Variants in CCDC47 observed in about 807,000 individuals in gnomAD.
The protein encoded by CCDC47 is coiled-coil domain containing 47, also known as PAT complex subunit CCDC47.
A neutral mutation model predicts 60.5 loss-of-function variants in CCDC47; 41 were observed. The observed-to-expected ratio is 0.68, with a 90% CI of 0.53 to 0.88. The LOEUF (loss-of-function observed/expected upper bound fraction) is 0.88, where lower values mean the gene tolerates loss of function less well. Ranked by LOEUF, CCDC47 falls within the 40% of genes least tolerant of loss-of-function variation. CCDC47 has a pLI of 0.00. For synonymous variants in CCDC47, 195 were observed against 190.7 expected (o/e 1.02, Z -0.18); for missense variants, 513 against 580.9 (o/e 0.88, Z 1.20).
chr17:63,768,684 G>GT (rs1411211852), intron 1 of CCDC47, among the ~76,000 whole-genome samples: 8 of 151,938 alleles, frequency 5.3e-5, no homozygotes, highest in Non-Finnish European at 2.9e-5. Context: ...ACAGTGAAAC[G>GT]TGCCTCAAAA....
chr17:63,749,747 C>CA lies in CCDC47; in HGVS notation c.1371+2192dup, dbSNP rs773330267. ...CTGGTGAAAGAGCGAGACTCTGTCT[C>CA]AAAAAAAAAAAAAAATTAATAACTA... On this transcript the variant is annotated intron_variant, in intron 12 of 12. Coordinates refer to ENST00000225726, the MANE Select transcript of CCDC47 (RefSeq NM_020198.3). Among the ~76,000 whole-genome samples the CA allele has an allele frequency of 5.3e-3, 575 of 108,038 alleles. 1 individual carries two copies. Among genetic ancestry groups the CA allele is most frequent in the African/African-American group, 0.014 (404 of 28,672 alleles). The allele number at this position is 108,038 out of a possible 152,430, so 70.9% of individuals were successfully genotyped here.
chr17:63,751,912 T>C, intron 12 of CCDC47, 28 bp downstream of exon 12: 1 of 1,612,454 alleles, frequency 6.2e-7, no homozygotes, highest in Non-Finnish European at 8.5e-7. Context: ...CAAATCGTAG[T>C]TTTACCCCAG....
chr17:63,772,250 G>GT (rs34509265), intron 1 of CCDC47, among the ~76,000 whole-genome samples: 26,457 of 90,750 alleles, frequency 0.29, 4,931 homozygotes, highest in South Asian at 0.55. Context: ...TGTACCAAGG[G>GT]TTTTTTTTTT....
rs186906517 is a variant in CCDC47, at chr17:63,751,773, A to T, written c.1371+167T>A. The T allele has an allele frequency of 8.3e-6, 6 of 726,578 alleles. No individual in the cohort carries two copies. The Admixed American group carries it at 1.3e-4, about 16-fold the overall frequency. 45.0% of individuals were successfully genotyped at this position (726,578 alleles called of 1,614,324 possible). A position where few individuals can be genotyped will look rare whatever the true frequency, so the allele number is the denominator to read the frequency against. Reference sequence around the variant, plus strand: ...AGACTCAGTGTGGCACGGCTTGAACAGGAAGGATTATTTATTCTTCTTTAT... The same window carrying T: ...AGACTCAGTGTGGCACGGCTTGAACTGGAAGGATTATTTATTCTTCTTTAT... On this transcript the variant is annotated intron_variant, in intron 12 of 12. Coordinates refer to ENST00000225726, the MANE Select transcript of CCDC47 (RefSeq NM_020198.3).
intron 1 of CCDC47, among the ~76,000 whole-genome samples, chr17:63,768,133 A>G (rs113231234): frequency 0.016 from 2,504 of 152,332 alleles, 70 homozygotes; most frequent in African/African-American, 0.056. Flanking sequence ...AGGCTAACCA[A>G]TTATTGCAAA....
In CCDC47 at chr17:63,751,706, T is replaced by G. The variant is rs372835120; in HGVS notation, c.1371+234A>C. On this transcript the variant is annotated intron_variant, in intron 12 of 12. Transcript: ENST00000225726. ...TAATGGAATTTTCAAAATGAAATTG[T>G]GCTGGGGGAACAGGATAATACTGAT... 6 of 584,468 alleles carry G rather than the reference T, an allele frequency of 1.0e-5. No homozygotes were observed. The Admixed American group carries it at 1.8e-4, about 18-fold the overall frequency. The allele number at this position is 584,468 out of a possible 1,614,324, so 36.2% of individuals were successfully genotyped here.
chr17:63,760,146 T>C lies in CCDC47; in HGVS notation c.735+768A>G, dbSNP rs146049803. On this transcript the variant is annotated intron_variant, in intron 6 of 12. Coordinates refer to ENST00000225726, the MANE Select transcript of CCDC47 (RefSeq NM_020198.3). ...CACAATTTGCAGATAAACATATTGA[T>C]TTAATAAAGGAAAGAAGATACACCA... is the stretch of plus-strand genomic sequence containing the variant. Among the ~76,000 whole-genome samples, 261 of 151,660 alleles carry C rather than the reference T, an allele frequency of 1.7e-3. 1 individual carries two copies. The highest frequency in any genetic ancestry group is 0.017 in the Middle Eastern group (5 of 292).
At chr17:63,769,862 T>C (rs1386694095) in intron 1 of CCDC47, among the ~76,000 whole-genome samples, 1 of 152,064 alleles carries the variant, frequency 6.6e-6, no homozygotes, top group Non-Finnish European at 1.5e-5. Context: ...CTGCAGGCCA[T>C]GGGTTGGACA....
chr17:63,756,616 T>C, intron 6 of CCDC47, 46 bp from the exon 7 acceptor site: 5 of 1,315,924 alleles, frequency 3.8e-6, no homozygotes, highest in Non-Finnish European at 5.5e-6. Flanking sequence ...TGTTAGGTTC[T>C]GTGATAGGCA....
chr17:63,747,038 A>T (rs1464833820), intron 12 of CCDC47, 77 bp from the exon 13 acceptor site: 14 of 1,487,816 alleles, frequency 9.4e-6, no homozygotes, highest in African/African-American at 2.8e-5. Flanking sequence ...AACATATGTT[A>T]AAAAAAAATC....
chr17:63,747,019 TA>T (rs2144463079), intron 12 of CCDC47, 58 bp from the exon 13 acceptor site: 1 of 1,587,110 alleles, frequency 6.3e-7, no homozygotes, highest in East Asian at 2.2e-5. Flanking sequence ...GAATTCAAAT[TA>T]AGCTTGAAAC....
chr17:63,751,145 G>A (rs188113127), intron 12 of CCDC47, among the ~76,000 whole-genome samples: 350 of 151,192 alleles, frequency 2.3e-3, no homozygotes, highest in Non-Finnish European at 3.9e-3. Context: ...CTCCCAAAGT[G>A]CTGGGATTAC....
chr17:63,763,131 C>T (rs1350493348), intron 4 of CCDC47, among the ~76,000 whole-genome samples: 6 of 152,096 alleles, frequency 3.9e-5, no homozygotes, highest in African/African-American at 1.4e-4. Flanking sequence ...CTATGTTGCC[C>T]AGACTGGTCT....
At chr17:63,751,653 C>G in intron 12 of CCDC47, 1 of 541,260 alleles carries the variant, frequency 1.8e-6, no homozygotes, top group Non-Finnish European at 3.3e-6. Flanking sequence ...TAACTTCTTT[C>G]TACCAAAGTG....
chr17:63,756,182 G>T, intron 8 of CCDC47, 58 bp downstream of exon 8: 2 of 1,114,602 alleles, frequency 1.8e-6, no homozygotes, highest in South Asian at 1.2e-5. Context: ...GAGACTTTTA[G>T]GGAGAGTGTC....
chr17:63,766,710 C>G (rs1442019287), intron 1 of CCDC47: 1 of 468,304 alleles, frequency 2.1e-6, no homozygotes, highest in African/African-American at 2.1e-5. Context: ...CAGGTGTGAG[C>G]CACTGTGCCC....
At chr17:63,760,062 CAAA>C (rs10643408) in intron 6 of CCDC47, among the ~76,000 whole-genome samples, 1 of 98,454 alleles carries the variant, frequency 1.0e-5, no homozygotes. Context: ...GACTCCGTCT[CAAA>C]AAAAAAAAAA....
At chr17:63,759,641 T>A (rs896438072) in intron 6 of CCDC47, among the ~76,000 whole-genome samples, 7 of 142,448 alleles carry the variant, frequency 4.9e-5, no homozygotes, top group African/African-American at 1.8e-4. Context: ...ACAAAGCACT[T>A]ACTAACCAAA....
intron 1 of CCDC47, among the ~76,000 whole-genome samples, chr17:63,769,269 T>G (rs1406028272): frequency 7.2e-6 from 1 of 138,968 alleles, no homozygotes; most frequent in Non-Finnish European, 1.6e-5. Flanking sequence ...AAAAACAAAA[T>G]GTTACAAATG....
Sources: allele counts gnomAD v4.1 joint callset (sites outside exome capture counted in the v4.1 genomes callset), GRCh38; gene constraint gnomAD v4.1.1; transcripts MANE v1.5; gene names NCBI Gene and HGNC (gene_info 2026-07-23, HGNC 2026-07-21).